Variants in CCNH observed in about 807,000 individuals in gnomAD.
The protein encoded by CCNH is cyclin H.
Under a neutral mutation model 41.9 loss-of-function variants are expected in CCNH, and 31 were observed. That is an observed-to-expected ratio of 0.74 (90% CI 0.56 to 1.00). The LOEUF is 1.00. CCNH is among the 50% of genes least tolerant of loss of function. The pLI, the probability that CCNH is intolerant of heterozygous loss-of-function variation, is 0.00. For missense variants in CCNH, 362 were observed against 388.4 expected, an observed-to-expected ratio of 0.93 and a Z score of 0.57; for synonymous variants, 138 against 136.1, an observed-to-expected ratio of 1.01 and a Z score of -0.10.
At chr5:87,374,741 A>T (rs1241180138), downstream of CCNH, 601 of 1,354,332 alleles carry the variant, frequency 4.4e-4, no homozygotes, top group East Asian at 9.2e-4. Context: ...TTTTTTTTTT[A>T]AAGCAGAAAT....
chr5:87,398,779 C>T (rs760381337), intron 7 of CCNH, among the ~76,000 whole-genome samples: 4 of 152,048 alleles, frequency 2.6e-5, no homozygotes, highest in Non-Finnish European at 5.9e-5. Context: ...TGAGACCATC[C>T]TGGCTAACAC....
At chr5:87,342,704 T>G (rs1298330850) in intron 9 of CCNH, among the ~76,000 whole-genome samples, 2 of 152,178 alleles carry the variant, frequency 1.3e-5, no homozygotes, top group Admixed American at 6.5e-5. Context: ...CTGTGGGAAG[T>G]AGAAAACTAG....
downstream of CCNH, chr5:87,386,976 C>A: frequency 7.5e-7 from 1 of 1,327,890 alleles, no homozygotes; most frequent in Non-Finnish European, 1.1e-6. Flanking sequence ...ATTTAAGCAG[C>A]AATCTTTAGA....
At chr5:87,374,161 A>G (rs1361155142), downstream of CCNH, 1 of 1,407,772 alleles carries the variant, frequency 7.1e-7, no homozygotes. Flanking sequence ...TTTTTTTTTT[A>G]GGTCAGCAGC....
At chr5:87,400,794 A>G (rs1486834884) in intron 6 of CCNH, among the ~76,000 whole-genome samples, 1 of 152,258 alleles carries the variant, frequency 6.6e-6, no homozygotes, top group Non-Finnish European at 1.5e-5. Flanking sequence ...AGGTTTGGAA[A>G]CAAACATGAT....
chr5:87,347,175 A>G (rs1758926683), intron 9 of CCNH, among the ~76,000 whole-genome samples: 1 of 152,042 alleles, frequency 6.6e-6, no homozygotes, highest in South Asian at 2.1e-4. Context: ...ACCATAATTA[A>G]CTAGTCTTCA....
chr5:87,372,004 A>G (rs1760982322), downstream of CCNH: 9 of 731,512 alleles, frequency 1.2e-5, no homozygotes, highest in Admixed American at 1.1e-4. Context: ...GAGAATAGAA[A>G]TGGCAGTCTA....
At position 87,349,499 on chromosome 5, in the gene CCNH, A is replaced by G. The variant is rs1759104639; in HGVS notation, c.*91-30602T>C. ...TATAAGACCTTCAATATAATTTCAT[A>G]GTAGTCATGCCCAAGAATTCTTTAG... On this transcript the variant is annotated intron_variant and NMD_transcript_variant, in intron 9 of 9. Transcript: ENST00000645953. 4 of 1,027,308 alleles carry G rather than the reference A, an allele frequency of 3.9e-6. No individual in the cohort carries two copies. In the Middle Eastern group the frequency reaches 9.4e-4, roughly 242 times the overall value. The allele number at this position is 1,027,308 out of a possible 1,614,324, so 63.6% of individuals were successfully genotyped here. A position where few individuals can be genotyped will look rare whatever the true frequency, so the allele number is the denominator to read the frequency against.
chr5:87,342,645 C>T (rs147918113), intron 9 of CCNH, among the ~76,000 whole-genome samples: 71 of 152,176 alleles, frequency 4.7e-4, no homozygotes, highest in African/African-American at 1.2e-3. Context: ...CAACACTGTA[C>T]GTGTGGTAAT....
At chr5:87,372,628 T>A (rs1398005003), downstream of CCNH, among the ~76,000 whole-genome samples, 1 of 152,180 alleles carries the variant, frequency 6.6e-6, no homozygotes, top group Non-Finnish European at 1.5e-5. Context: ...TTTAATCTTA[T>A]TTGAAACTGT....
chr5:87,367,855 A>G (rs1178857863), intron 9 of CCNH, among the ~76,000 whole-genome samples: 1 of 152,036 alleles, frequency 6.6e-6, no homozygotes, highest in Non-Finnish European at 1.5e-5. Context: ...TCTGTTTTAG[A>G]GGTAATGTAT....
At position 87,336,491 on chromosome 5, in the gene CCNH, C is replaced by A. The variant is rs1177700852; in HGVS notation, c.*91-17594G>T. Among the ~76,000 whole-genome samples, 3 of 151,818 alleles carry A rather than the reference C, an allele frequency of 2.0e-5. No individual in the cohort carries two copies. In the East Asian group the frequency reaches 5.8e-4, roughly 29 times the overall value. ...ACCTGTGGATTTTAAAATAAAAATA[C>A]CTTAAAAATTAATGATTTAATAAAG... On this transcript the variant is annotated intron_variant and NMD_transcript_variant, in intron 9 of 9. Transcript: ENST00000645953.
At chr5:87,374,723 C>G (rs1441390179), downstream of CCNH, 2 of 1,417,372 alleles carry the variant, frequency 1.4e-6, no homozygotes, top group African/African-American at 2.9e-5. Context: ...TTAGGTCTAG[C>G]ACACTGTTTT....
chr5:87,340,924 G>A (rs917523749), intron 9 of CCNH, among the ~76,000 whole-genome samples: 36 of 152,032 alleles, frequency 2.4e-4, no homozygotes, highest in African/African-American at 7.2e-4. Context: ...AACGACTTCA[G>A]TTGCAGAATG....
Position 87,331,395 on chromosome 5 carries a change from G to C in CCNH, c.*91-12498C>G. 6.2e-7 allele frequency: 1 copy of C among 1,613,076 alleles called. No individual in the cohort carries two copies. ...AGAACGATAGCAGAAGAACGCCTCA[G>C]GCAGGCAGGGAAGTCTGGCAGTTAT... On this transcript the variant is annotated intron_variant and NMD_transcript_variant, in intron 9 of 9. Coordinates refer to the CCNH transcript ENST00000645953.
chr5:87,341,508 A>G (rs1006077422), intron 9 of CCNH, among the ~76,000 whole-genome samples: 1 of 152,144 alleles, frequency 6.6e-6, no homozygotes, highest in Non-Finnish European at 1.5e-5. Flanking sequence ...TTTTAAATAA[A>G]AGGTAGCTGA....
intron 9 of CCNH, among the ~76,000 whole-genome samples, chr5:87,322,813 A>C (rs1316925512): frequency 2.0e-5 from 3 of 152,268 alleles, no homozygotes; most frequent in African/African-American, 7.2e-5. Flanking sequence ...ACAACCACAT[A>C]CATAAATAAA....
At chr5:87,360,397 T>A (rs962318137) in intron 9 of CCNH, among the ~76,000 whole-genome samples, 23 of 152,178 alleles carry the variant, frequency 1.5e-4, no homozygotes, top group African/African-American at 5.5e-4. Flanking sequence ...GTACTGGGAT[T>A]AAAGGCGTGA....
chr5:87,404,097 G>A (rs1056195743), intron 5 of CCNH, among the ~76,000 whole-genome samples: 15 of 152,170 alleles, frequency 9.9e-5, no homozygotes, highest in Admixed American at 1.3e-4. Context: ...GATGTGTTGC[G>A]AAATTCTTAT....
Sources: allele counts gnomAD v4.1 joint callset (sites outside exome capture counted in the v4.1 genomes callset), GRCh38; gene constraint gnomAD v4.1.1; transcripts MANE v1.5; gene names NCBI Gene and HGNC (gene_info 2026-07-23, HGNC 2026-07-21).